The following MYOM3 variants were observed in gnomAD, a reference collection of about 807,000 sequenced individuals.
The protein encoded by MYOM3 is myomesin 3.
In MYOM3, 155 loss-of-function variants were observed where a neutral mutation model predicts 191.7. The observed-to-expected ratio is 0.81, with a 90% CI of 0.71 to 0.92. MYOM3 has a LOEUF of 0.92. MYOM3 is among the 40% of genes least tolerant of loss of function. The pLI is 0.00. For synonymous variants in MYOM3, 757 were observed against 762.9 expected, an observed-to-expected ratio of 0.99 and a Z score of 0.13; for missense variants, 1,889 against 1,890.6, an observed-to-expected ratio of 1.00 and a Z score of 0.02.
chr1:24,087,589 C>T lies in MYOM3; in HGVS notation c.1615-762G>A, dbSNP rs971762839. Among the ~76,000 whole-genome samples the T allele has an allele frequency of 1.1e-4, 16 of 152,112 alleles. No individual in the cohort carries two copies. Among genetic ancestry groups the T allele is most frequent in the African/African-American group, 2.2e-4 (9 of 41,412 alleles). On this transcript the variant is annotated intron_variant, in intron 14 of 36. Transcript: ENST00000374434. This position sits in a 1 kb window ranked among gnomAD's most constrained non-coding sequence, Gnocchi z 4.5. ...TCCCTCAGCCTGGAATGTTCTTCTC[C>T]GAGAAATCTCTTGGCTTCCTGTAGG...
Position 24,071,900 on chromosome 1 carries a change from T to C in MYOM3, c.3013+69A>G. The C allele has an allele frequency of 9.2e-6, 14 of 1,521,128 alleles. No individual in the cohort carries two copies. In the South Asian group the frequency reaches 1.5e-4, roughly 16 times the overall value. The allele number at this position is 1,521,128 out of a possible 1,614,324, so 94.2% of individuals were successfully genotyped here. A position where few individuals can be genotyped will look rare whatever the true frequency, so the allele number is the denominator to read the frequency against. On this transcript the variant is annotated intron_variant, in intron 24 of 36. Coordinates refer to ENST00000374434, the MANE Select transcript of MYOM3 (RefSeq NM_152372.4). ...TTCCTGGTCCTTGGCCTGACTCTGC[T>C]CTGCTCAGAACATGCCAATGGGCCC...
At position 24,063,675 on chromosome 1, in the gene MYOM3, T is replaced by A; in HGVS notation, c.3623-145A>T. ...AACTCTGTAGGATGACTCTCATAGC[T>A]TGGGGATAGGAGGGGGTTCAGGGCA... On this transcript the variant is annotated intron_variant, in intron 30 of 36. Transcript: ENST00000374434. The surrounding 1 kb of genome is among the most constrained non-coding windows in gnomAD (Gnocchi z 4.5). 2 of 919,688 alleles carry A rather than the reference T, an allele frequency of 2.2e-6. No individual in the cohort carries two copies. The highest frequency in any genetic ancestry group is 3.4e-6 in the Non-Finnish European group (2 of 580,770). 57.0% of individuals were successfully genotyped at this position (919,688 alleles called of 1,614,324 possible). A position where few individuals can be genotyped will look rare whatever the true frequency, so the allele number is the denominator to read the frequency against.
chr1:24,102,461 C>T (rs1557617169), intron 5 of MYOM3, among the ~76,000 whole-genome samples: 1 of 151,956 alleles, frequency 6.6e-6, no homozygotes, highest in Non-Finnish European at 1.5e-5. Flanking sequence ...ACGCTCACCC[C>T]TCCCTCTCTC....
chr1:24,095,074 C>T (rs1643871016), intron 8 of MYOM3, 84 bp from the exon 9 acceptor site: 2 of 1,430,098 alleles, frequency 1.4e-6, no homozygotes, highest in East Asian at 2.3e-5. Flanking sequence ...ATTTCTGGGG[C>T]ATCCCTTCTC....
intron 4 of MYOM3, among the ~76,000 whole-genome samples, chr1:24,106,686 G>A (rs1448607798): frequency 2.0e-5 from 3 of 152,236 alleles, no homozygotes; most frequent in East Asian, 1.9e-4. Flanking sequence ...GGGTTCAAGC[G>A]ATTCTCCTGC....
intron 1 of MYOM3, among the ~76,000 whole-genome samples, chr1:24,108,944 C>A (rs4648933): frequency 0.27 from 41,374 of 152,176 alleles, 6,880 homozygotes; most frequent in Non-Finnish European, 0.36. Flanking sequence ...CTTCCAGCTG[C>A]AGCCCAGCCC....
rs865869537 is a variant in MYOM3, at chr1:24,064,016, C to T, written c.3622+56G>A. ...ATAAATCTTACTGCACAGATCACAT[C>T]ACAGTCTGCTCCACTGTGCTCCCTC... On this transcript the variant is annotated intron_variant, in intron 30 of 36. Coordinates refer to ENST00000374434, the MANE Select transcript of MYOM3 (RefSeq NM_152372.4). The T allele has an allele frequency of 2.4e-4, 310 of 1,290,088 alleles. 3 individuals carry two copies. The Middle Eastern group carries it at 2.8e-3, about 12-fold the overall frequency. The allele number at this position is 1,290,088 out of a possible 1,614,324, so 79.9% of individuals were successfully genotyped here.
rs538787517 is a variant in MYOM3 at position 24,065,976 on chromosome 1, C to T, written c.3449G>A (p.Arg1150His). ...TGCCCTCTGGAAGAACCACTGAAAGCGAGTCTCCTTCTTGGTGTTGGTCAC... is the reference window on the plus strand; with the variant it reads ...TGCCCTCTGGAAGAACCACTGAAAGTGAGTCTCCTTCTTGGTGTTGGTCAC... Reference protein sequence around the residue: ...CKVTNTKKETRFQWFFQRAEM... With the variant: ...CKVTNTKKETHFQWFFQRAEM... The change falls in exon 29 of 37, where the codon CGC (arginine) becomes CAC (histidine). Residue 1150 changes from arginine (R) to histidine (H), a missense_variant. Coordinates refer to ENST00000374434, the MANE Select transcript of MYOM3 (RefSeq NM_152372.4). The T allele has an allele frequency of 7.4e-5, 120 of 1,613,950 alleles. No individual in the cohort carries two copies. The highest frequency in any genetic ancestry group is 4.9e-4 in the African/African-American group (37 of 75,032).
intron 17 of MYOM3, 70 bp downstream of exon 17, chr1:24,082,523 G>A (rs1369966180): frequency 1.3e-6 from 2 of 1,494,908 alleles, no homozygotes; most frequent in Non-Finnish European, 1.8e-6. Context: ...CCTCCAAGAT[G>A]TGATCTATGA....
At chr1:24,092,661 A>G (rs1332480366) in intron 10 of MYOM3, among the ~76,000 whole-genome samples, 1 of 152,130 alleles carries the variant, frequency 6.6e-6, no homozygotes, top group African/African-American at 2.4e-5. Flanking sequence ...TGACAAAGCC[A>G]GGATGTGAAC....
rs770828910 is a variant in MYOM3, at chr1:24,089,526, G to T, written c.1614+12C>A. ...CAGGCTGGCCTGGGGCTGGGGCCTC[G>T]GGGTTCCCTACCTTCTCCAGGGAGT... On this transcript the variant is annotated intron_variant, in intron 14 of 36. Transcript: ENST00000374434. The T allele has an allele frequency of 6.3e-7, 1 of 1,591,136 alleles. No homozygotes were observed. The highest frequency in any genetic ancestry group is 1.3e-5 in the African/African-American group (1 of 74,434).
At chr1:24,097,442 G>C (rs989320667) in intron 7 of MYOM3, among the ~76,000 whole-genome samples, 1 of 152,190 alleles carries the variant, frequency 6.6e-6, no homozygotes, top group African/African-American at 2.4e-5. Context: ...CCTGGAGTGG[G>C]AGCTGCACCT....
chr1:24,084,600 T>C lies in MYOM3; in HGVS notation c.1838A>G (p.Asp613Gly). The C allele has an allele frequency of 2.5e-6, 4 of 1,613,656 alleles. No homozygotes were observed. Among genetic ancestry groups the C allele is most frequent in the Non-Finnish European group, 1.7e-6 (2 of 1,179,860 alleles). Residue 613 changes from aspartate (D) to glycine (G), a missense_variant, in exon 16 of 37, where the codon GAC becomes GGC. Transcript: ENST00000374434. Reference protein sequence around the residue: ...PPPAQVQAFRDTQTSVSLTWD... With the variant: ...PPPAQVQAFRGTQTSVSLTWD... ...TGTCAGGGAGACAGAGGTCTGTGTG[T>C]CTCTGAAAGCTTGAACTTGAGCTGG...
At chr1:24,062,989 C>T (rs1375733963) in intron 32 of MYOM3, 137 bp downstream of exon 32, 2 of 631,762 alleles carry the variant, frequency 3.2e-6, no homozygotes, top group Non-Finnish European at 2.9e-6. Context: ...CTCTGCTAAC[C>T]CCTGGGACCA....
chr1:24,067,446 TGTTTC>T (rs1391333119), intron 27 of MYOM3, among the ~76,000 whole-genome samples: 187 of 128,288 alleles, frequency 1.5e-3, no homozygotes, highest in Non-Finnish European at 2.2e-3. Context: ...TTCCTTCCTT[TGTTTC>T]CTTCCTTCTT....
At chr1:24,062,545 G>A (rs4648930) in intron 32 of MYOM3, among the ~76,000 whole-genome samples, 124,981 of 152,094 alleles carry the variant, frequency 0.82, 53,119 homozygotes, top group East Asian at 0.99. Context: ...CATGCAGCTG[G>A]TAAAAAGCAC....
chr1:24,071,829 C>T lies in MYOM3; in HGVS notation c.3013+140G>A, dbSNP rs1045052805. 5.7e-6 allele frequency: 5 copies of T among 875,588 alleles called. No individual in the cohort carries two copies. The African/African-American group carries it at 8.2e-5, about 14-fold the overall frequency. 54.2% of individuals were successfully genotyped at this position (875,588 alleles called of 1,614,324 possible). Reference sequence around the variant, plus strand: ...CGTGAGCTTCCCGAGTGGTCCCTGACCTTCTAGCTCTGTGATTCTCCCACC... The same window carrying T: ...CGTGAGCTTCCCGAGTGGTCCCTGATCTTCTAGCTCTGTGATTCTCCCACC... On this transcript the variant is annotated intron_variant, in intron 24 of 36. Coordinates refer to ENST00000374434, the MANE Select transcript of MYOM3 (RefSeq NM_152372.4).
At chr1:24,081,863 TG>T (rs1198195053) in intron 18 of MYOM3, 137 bp downstream of exon 18, 12 of 871,460 alleles carry the variant, frequency 1.4e-5, no homozygotes, top group Non-Finnish European at 2.1e-5. Context: ...GGGTCTGCAC[TG>T]GAAAATGATC....
chr1:24,073,619 CTT>C (rs1643558656), intron 23 of MYOM3, among the ~76,000 whole-genome samples: 1 of 152,078 alleles, frequency 6.6e-6, no homozygotes, highest in South Asian at 2.1e-4. Flanking sequence ...AATCCCAACA[CTT>C]TGGGAGGCTG....
Sources: allele counts gnomAD v4.1 joint callset (sites outside exome capture counted in the v4.1 genomes callset), GRCh38; gene constraint gnomAD v4.1.1; non-coding constraint Gnocchi (gnomAD v3.1); transcripts MANE v1.5; gene names NCBI Gene and HGNC (gene_info 2026-07-23, HGNC 2026-07-21).